Variants in PCNX2 observed in about 807,000 individuals in gnomAD.
PCNX2 encodes pecanex-like protein 2.
A neutral mutation model predicts 223.8 loss-of-function variants in PCNX2; 168 were observed. The observed-to-expected ratio is 0.75, with a 90% CI of 0.66 to 0.85. The LOEUF (loss-of-function observed/expected upper bound fraction) is 0.85. Among genes scored for constraint, PCNX2 ranks in the 40% least tolerant of loss-of-function variants. The pLI, the probability that PCNX2 is intolerant of heterozygous loss-of-function variation, is 0.00. For missense variants in PCNX2, 2,507 were observed against 2,675.5 expected (o/e 0.94, Z 1.39); for synonymous variants, 1,006 against 1,052.6 (o/e 0.96, Z 0.86).
intron 19 of PCNX2, among the ~76,000 whole-genome samples, chr1:233,152,716 A>G (rs1198231711): frequency 1.3e-5 from 2 of 152,216 alleles, no homozygotes; most frequent in Admixed American, 1.3e-4. Flanking sequence ...AAGGGCCACC[A>G]ACTGCCTAGC....
At chr1:233,143,718 C>T (rs58892708) in intron 19 of PCNX2, among the ~76,000 whole-genome samples, 1 of 152,156 alleles carries the variant, frequency 6.6e-6, no homozygotes, top group Non-Finnish European at 1.5e-5. Context: ...TCACTCTCTG[C>T]ATGTCTATCC....
At chr1:233,257,996 A>G in intron 5 of PCNX2, 32 bp downstream of exon 5, 1 of 1,594,194 alleles carries the variant, frequency 6.3e-7, no homozygotes, top group Non-Finnish European at 8.6e-7. Flanking sequence ...CTTCTATGTC[A>G]TCATCAGAAC....
At chr1:233,314,417 CATTTT>C in the PCNX2 span, among the ~76,000 whole-genome samples, 1 of 152,036 alleles carries the variant, frequency 6.6e-6, no homozygotes, top group Non-Finnish European at 1.5e-5. Flanking sequence ...TATTTTATTT[CATTTT>C]ATTTAAAGAT....
chr1:233,054,755 A>G, intron 24 of PCNX2: 1 of 231,846 alleles, frequency 4.3e-6, no homozygotes, highest in Non-Finnish European at 8.3e-6. Context: ...CATTGCTAGT[A>G]TTATTTGTTA....
intron 12 of PCNX2, among the ~76,000 whole-genome samples, chr1:233,216,200 C>A (rs994602156): frequency 1.3e-5 from 2 of 152,154 alleles, no homozygotes; most frequent in Non-Finnish European, 2.9e-5. Context: ...GCATGTGGCT[C>A]AGATGCCTGC....
At chr1:233,215,206 A>G (rs1228879370) in intron 12 of PCNX2, among the ~76,000 whole-genome samples, 1 of 152,204 alleles carries the variant, frequency 6.6e-6, no homozygotes, top group African/African-American at 2.4e-5. Context: ...GGAGGTAATA[A>G]ATCTGTCTTC....
At chr1:233,257,735 T>C (rs1659810371) in intron 5 of PCNX2, among the ~76,000 whole-genome samples, 2 of 152,206 alleles carry the variant, frequency 1.3e-5, no homozygotes, top group African/African-American at 2.4e-5. Context: ...GCCACAGTAG[T>C]AAAATATAAT....
the PCNX2 span, among the ~76,000 whole-genome samples, chr1:233,322,104 T>C: frequency 6.6e-6 from 1 of 152,140 alleles, no homozygotes; most frequent in Admixed American, 6.5e-5. Flanking sequence ...CAAATACATA[T>C]ATAAAAGAGC....
intron 27 of PCNX2, 143 bp from the exon 28 acceptor site, chr1:233,014,920 A>G: frequency 1.9e-6 from 1 of 528,072 alleles, no homozygotes; most frequent in East Asian, 3.1e-5. Flanking sequence ...CAGACAGGGA[A>G]TGCTCAGCTT....
chr1:233,044,670 TTTC>T (rs1287138554), intron 25 of PCNX2, among the ~76,000 whole-genome samples: 16 of 151,116 alleles, frequency 1.1e-4, no homozygotes, highest in African/African-American at 3.5e-4. Context: ...ATTTGTATTC[TTTC>T]TTTTTTTTTT....
At chr1:233,033,568 G>A (rs746068446) in intron 25 of PCNX2, among the ~76,000 whole-genome samples, 13 of 152,222 alleles carry the variant, frequency 8.5e-5, no homozygotes, top group African/African-American at 2.4e-4. Context: ...TCCTCATAAA[G>A]AGAACATTGT....
At chr1:233,055,471 C>A (rs56026707) in intron 24 of PCNX2, among the ~76,000 whole-genome samples, 21,533 of 151,982 alleles carry the variant, frequency 0.14, 1,562 homozygotes, top group East Asian at 0.23. Context: ...TTTCCTATAT[C>A]CTCCCTGCTG....
At chr1:233,011,847 T>C (rs1017442184) in intron 28 of PCNX2, among the ~76,000 whole-genome samples, 2 of 152,188 alleles carry the variant, frequency 1.3e-5, no homozygotes, top group Non-Finnish European at 2.9e-5. Context: ...AAAATATCCT[T>C]CATAATAAAC....
chr1:233,172,390 A>G, intron 17 of PCNX2: 1 of 985,440 alleles, frequency 1.0e-6, no homozygotes, highest in Non-Finnish European at 1.2e-6. Context: ...ATTTGGTGCC[A>G]TCTAGTTGTT....
chr1:233,224,283 T>C lies in PCNX2; in HGVS notation c.2504+2943A>G, dbSNP rs530824145. On this transcript the variant is annotated intron_variant, in intron 10 of 33. Coordinates refer to ENST00000258229, the MANE Select transcript of PCNX2 (RefSeq NM_014801.4). ...AAGATATGAAATCAGAGAATATAAGTAAGGAGAATAGGACAAGTCCAGAAA... is the reference window on the plus strand; with the variant it reads ...AAGATATGAAATCAGAGAATATAAGCAAGGAGAATAGGACAAGTCCAGAAA... Among the ~76,000 whole-genome samples, 13 of 152,254 alleles carry C rather than the reference T, an allele frequency of 8.5e-5. No individual in the cohort carries two copies. In the East Asian group the frequency reaches 1.9e-3, roughly 23 times the overall value.
intron 8 of PCNX2, among the ~76,000 whole-genome samples, chr1:233,239,781 A>G (rs1658643433): frequency 6.6e-6 from 1 of 152,220 alleles, no homozygotes; most frequent in Non-Finnish European, 1.5e-5. Flanking sequence ...CTTATATTAA[A>G]TAGCAACATA....
chr1:233,159,595 C>T (rs1051705315), intron 19 of PCNX2, among the ~76,000 whole-genome samples: 8 of 152,172 alleles, frequency 5.3e-5, no homozygotes, highest in African/African-American at 1.9e-4. Context: ...ATAAATCAGT[C>T]TTCTTCCATC....
chr1:233,188,429 C>T (rs1220638086), intron 15 of PCNX2, among the ~76,000 whole-genome samples: 1 of 152,040 alleles, frequency 6.6e-6, no homozygotes, highest in African/African-American at 2.4e-5. Context: ...ACTGCTTTTT[C>T]TGTCCCTGCC....
At chr1:233,146,987 A>G (rs559546413) in intron 19 of PCNX2, among the ~76,000 whole-genome samples, 1 of 152,374 alleles carries the variant, frequency 6.6e-6, no homozygotes, top group South Asian at 2.1e-4. Flanking sequence ...AAACACATAA[A>G]ACAATGAATT....
Sources: gnomAD v4.1 joint callset for allele counts (sites outside exome capture counted in the v4.1 genomes callset) on GRCh38, gnomAD v4.1.1 for gene constraint, MANE v1.5 for transcripts, NCBI Gene and HGNC (gene_info 2026-07-23, HGNC 2026-07-21) for gene names.